MACROD2: variants seen among roughly 807,000 people sequenced by gnomAD.
MACROD2 encodes the protein mono-ADP ribosylhydrolase 2, also known as ADP-ribose glycohydrolase MACROD2.
Under a neutral mutation model 70.4 loss-of-function variants are expected in MACROD2, and 36 were observed. That is an observed-to-expected ratio of 0.51 (90% CI 0.39 to 0.68). MACROD2 has a LOEUF of 0.68. Ranked by LOEUF, MACROD2 falls within the 30% of genes least tolerant of loss-of-function variation. MACROD2 has a pLI of 0.00. For synonymous variants in MACROD2, 172 were observed against 178.8 expected, an observed-to-expected ratio of 0.96 and a Z score of 0.30; for missense variants, 496 against 538.4, an observed-to-expected ratio of 0.92 and a Z score of 0.78.
chr20:15,429,919 C>T (rs950631416), intron 6 of MACROD2, among the ~76,000 whole-genome samples: 2 of 152,014 alleles, frequency 1.3e-5, no homozygotes, highest in Non-Finnish European at 2.9e-5. Flanking sequence ...AGTTTCTCAC[C>T]CCTTGCCTCC....
chr20:15,379,927 CCTAA>C (rs542594468), intron 6 of MACROD2, among the ~76,000 whole-genome samples: 150 of 152,294 alleles, frequency 9.8e-4, no homozygotes, highest in African/African-American at 3.5e-3. Context: ...GTATTGTGAA[CCTAA>C]CTTTCTGATT....
chr20:16,017,460 G>C (rs1445335793), intron 15 of MACROD2, among the ~76,000 whole-genome samples: 3 of 152,204 alleles, frequency 2.0e-5, no homozygotes, highest in African/African-American at 7.2e-5. Flanking sequence ...GAGGCATCAT[G>C]TGGTCTTTGC....
intron 6 of MACROD2, among the ~76,000 whole-genome samples, chr20:15,241,941 C>G (rs1294497484): frequency 2.0e-5 from 3 of 151,982 alleles, no homozygotes; most frequent in Non-Finnish European, 4.4e-5. Flanking sequence ...TAGGTTCAGG[C>G]TTTATTTTTT....
chr20:14,426,482 A>C (rs2122913337), intron 3 of MACROD2, among the ~76,000 whole-genome samples: 1 of 152,166 alleles, frequency 6.6e-6, no homozygotes, highest in South Asian at 2.1e-4. Context: ...TAGTTTGCTT[A>C]ATTTTTAATC....
intron 2 of MACROD2, among the ~76,000 whole-genome samples, chr20:14,005,181 G>A (rs116087908): frequency 0.022 from 3,410 of 152,150 alleles, 133 homozygotes; most frequent in African/African-American, 0.075. Flanking sequence ...TGGAAAGGGG[G>A]AAGCAAGTTT....
chr20:14,040,708 T>TA (rs1172222174), intron 2 of MACROD2, among the ~76,000 whole-genome samples: 2 of 152,160 alleles, frequency 1.3e-5, no homozygotes, highest in African/African-American at 4.8e-5. Context: ...ACTAAAGTTG[T>TA]AAAAAAGTTA....
At chr20:15,031,434 A>G (rs146456726) in intron 5 of MACROD2, among the ~76,000 whole-genome samples, 12 of 152,286 alleles carry the variant, frequency 7.9e-5, no homozygotes, top group African/African-American at 2.9e-4. Flanking sequence ...AGAATGAGGT[A>G]TGTGGACAAC....
chr20:14,819,592 C>T (rs927111005), intron 5 of MACROD2, among the ~76,000 whole-genome samples: 2 of 151,876 alleles, frequency 1.3e-5, no homozygotes, highest in African/African-American at 4.8e-5. Context: ...CAGTACATAC[C>T]GGGGGATGAG....
At chr20:14,664,286 G>C (rs908409417) in intron 4 of MACROD2, among the ~76,000 whole-genome samples, 1 of 152,066 alleles carries the variant, frequency 6.6e-6, no homozygotes, top group African/African-American at 2.4e-5. Flanking sequence ...CCAAAATGCT[G>C]ACATTCAGGC....
At chr20:15,443,556 G>T (rs1048730189) in intron 7 of MACROD2, among the ~76,000 whole-genome samples, 1 of 152,052 alleles carries the variant, frequency 6.6e-6, no homozygotes, top group Admixed American at 6.6e-5. Flanking sequence ...AATGAATCCA[G>T]TTTTACCAAA....
At chr20:15,043,577 C>T (rs1380123002) in intron 5 of MACROD2, among the ~76,000 whole-genome samples, 8 of 152,198 alleles carry the variant, frequency 5.3e-5, no homozygotes, top group African/African-American at 1.9e-4. Flanking sequence ...TTCAGATCTT[C>T]CTTTACTTAT....
intron 2 of MACROD2, among the ~76,000 whole-genome samples, chr20:14,080,902 A>C (rs755717739): frequency 2.0e-5 from 3 of 152,238 alleles, no homozygotes; most frequent in Non-Finnish European, 2.9e-5. Flanking sequence ...ACTTGGTATA[A>C]GCTGAAGAAA....
intron 5 of MACROD2, among the ~76,000 whole-genome samples, chr20:14,843,652 C>G (rs1401477683): frequency 6.6e-6 from 1 of 152,014 alleles, no homozygotes; most frequent in African/African-American, 2.4e-5. Flanking sequence ...AACACTGCCT[C>G]GCTTTTGTTT....
chr20:14,419,132 G>C (rs917971420), intron 3 of MACROD2, among the ~76,000 whole-genome samples: 1 of 151,890 alleles, frequency 6.6e-6, no homozygotes, highest in African/African-American at 2.4e-5. Flanking sequence ...TCGGCTCACC[G>C]CAACCTTCGC....
chr20:15,302,808 T>C (rs1255731558), intron 6 of MACROD2, among the ~76,000 whole-genome samples: 1 of 152,204 alleles, frequency 6.6e-6, no homozygotes, highest in Non-Finnish European at 1.5e-5. Flanking sequence ...TATAGTCCTG[T>C]TTAATTTTTT....
At chr20:14,202,339 C>T (rs1335234203) in intron 3 of MACROD2, among the ~76,000 whole-genome samples, 1 of 152,204 alleles carries the variant, frequency 6.6e-6, no homozygotes, top group Admixed American at 6.5e-5. Flanking sequence ...ATTTGATCCA[C>T]ACCCAATTTG....
At chr20:15,684,615 A>G (rs1185379923) in intron 8 of MACROD2, among the ~76,000 whole-genome samples, 1 of 152,234 alleles carries the variant, frequency 6.6e-6, no homozygotes, top group Non-Finnish European at 1.5e-5. Flanking sequence ...TAACAGTTCA[A>G]TTAAGGATTT....
chr20:14,048,934 C>T (rs868003047), intron 2 of MACROD2, among the ~76,000 whole-genome samples: 1 of 152,010 alleles, frequency 6.6e-6, no homozygotes, highest in Middle Eastern at 3.4e-3. Flanking sequence ...ACAAGCTGTC[C>T]TACAGCAAGT....
At chr20:15,362,963 G>A (rs956203885) in intron 6 of MACROD2, among the ~76,000 whole-genome samples, 4 of 150,968 alleles carry the variant, frequency 2.6e-5, no homozygotes, top group African/African-American at 4.9e-5. Flanking sequence ...GAGGGGAGGA[G>A]CAGGAAAGGA....
Sources: allele counts gnomAD v4.1 joint callset (sites outside exome capture counted in the v4.1 genomes callset), GRCh38; gene constraint gnomAD v4.1.1; transcripts MANE v1.5; gene names NCBI Gene and HGNC (gene_info 2026-07-23, HGNC 2026-07-21).